Variants in DEPDC5 observed in about 807,000 individuals in gnomAD.
DEPDC5 encodes the protein DEP domain containing 5, GATOR1 subcomplex subunit, also known as GATOR1 complex protein DEPDC5.
A neutral mutation model predicts 217.3 loss-of-function variants in DEPDC5; 73 were observed. That is an observed-to-expected ratio of 0.34 (90% CI 0.28 to 0.41). DEPDC5 has a LOEUF of 0.41. Among genes scored for constraint, DEPDC5 ranks in the 10% least tolerant of loss-of-function variants. The pLI, the probability that DEPDC5 is intolerant of heterozygous loss-of-function variation, is 1.00. For missense variants in DEPDC5, 1,675 were observed against 2,070.1 expected (o/e 0.81, Z 3.70); for synonymous variants, 733 against 756.7 (o/e 0.97, Z 0.51).
intron 31 of DEPDC5, among the ~76,000 whole-genome samples, chr22:31,854,827 C>T (rs2092206120): frequency 6.6e-6 from 1 of 152,064 alleles, no homozygotes; most frequent in Admixed American, 6.6e-5. Context: ...TGTAAGTTTA[C>T]AGGGCTAAAG....
Position 31,906,728 on chromosome 22 carries a change from C to T in DEPDC5, c.*231C>T. 1 of 607,788 alleles carries T rather than the reference C, an allele frequency of 1.6e-6. No individual in the cohort carries two copies. The highest frequency in any genetic ancestry group is 2.9e-6 in the Non-Finnish European group (1 of 349,054). 37.6% of individuals were successfully genotyped at this position (607,788 alleles called of 1,614,324 possible). ...AGCAGCTGCTGCTGCTGCCACCACT[C>T]CTGTCAGCAAGTGCTCAGAGCAGGT... is the stretch of plus-strand genomic sequence containing the variant. On this transcript the variant is annotated 3_prime_UTR_variant, in exon 43 of 43. Transcript: ENST00000651528. The surrounding 1 kb of genome is among the most constrained non-coding windows in gnomAD (Gnocchi z 5.1).
intron 6 of DEPDC5, among the ~76,000 whole-genome samples, chr22:31,768,112 C>T (rs552782086): frequency 3.3e-5 from 5 of 149,768 alleles, no homozygotes; most frequent in South Asian, 4.2e-4. Flanking sequence ...TTTTTATTTC[C>T]GTGTTACTGG....
chr22:31,791,800 G>A lies in DEPDC5; in HGVS notation c.625-233G>A, dbSNP rs547053071. Among the ~76,000 whole-genome samples, 7 of 148,646 alleles carry A rather than the reference G, an allele frequency of 4.7e-5. No individual in the cohort carries two copies. The East Asian group carries it at 6.0e-4, about 13-fold the overall frequency. ...AAATTAGCTGGGCATGGTGGCGTGC[G>A]TCTGTAGTCCCAGCTACTTGGGAGG... On this transcript the variant is annotated intron_variant, in intron 10 of 42. Transcript: ENST00000651528.
chr22:31,815,838 A>G, intron 21 of DEPDC5: 2 of 1,160,410 alleles, frequency 1.7e-6, no homozygotes, highest in Non-Finnish European at 2.1e-6. Context: ...CCCTGCCTCT[A>G]TTATACTATT....
At chr22:31,901,651 C>A in intron 40 of DEPDC5, 91 bp from the exon 41 acceptor site, 2 of 1,149,256 alleles carry the variant, frequency 1.7e-6, no homozygotes, top group South Asian at 1.3e-5. Flanking sequence ...GGACTGATTG[C>A]CAAGAGTAGT....
rs1217755324 is a variant in DEPDC5 at position 31,907,405 on chromosome 22, T to G, written c.*908T>G. 2 of 152,302 alleles carry G rather than the reference T, an allele frequency of 1.3e-5. No individual in the cohort carries two copies. The highest frequency in any genetic ancestry group is 2.1e-4 in the South Asian group (1 of 4,828). 9.4% of individuals were successfully genotyped at this position (152,302 alleles called of 1,614,324 possible). ...TTGTTGTTTTTTTTGTTGTTTTTTT[T>G]GACACAGTTTTCACTCTTGTTGCCC... On this transcript the variant is annotated 3_prime_UTR_variant, in exon 43 of 43. Transcript: ENST00000651528.
At chr22:31,852,317 T>TTTTA (rs1330246578) in intron 31 of DEPDC5, among the ~76,000 whole-genome samples, 1 of 151,732 alleles carries the variant, frequency 6.6e-6, no homozygotes, top group African/African-American at 2.4e-5. Context: ...TATGTTTTCC[T>TTTTA]TTTATTTATT....
intron 38 of DEPDC5, among the ~76,000 whole-genome samples, chr22:31,885,240 C>T (rs1335186810): frequency 6.6e-6 from 1 of 152,224 alleles, no homozygotes; most frequent in Non-Finnish European, 1.5e-5. Context: ...ATGTGGTCCC[C>T]TCATTCTCTG....
intron 34 of DEPDC5, among the ~76,000 whole-genome samples, chr22:31,872,599 G>C (rs967510756): frequency 6.6e-6 from 1 of 152,138 alleles, no homozygotes; most frequent in African/African-American, 2.4e-5. Flanking sequence ...AAAGGCTCTT[G>C]GGGCAAACCC....
chr22:31,766,436 A>G (rs563703514), intron 5 of DEPDC5, 149 bp from the exon 6 acceptor site: 1 of 714,280 alleles, frequency 1.4e-6, no homozygotes, highest in South Asian at 1.6e-5. Context: ...GCAGGATATA[A>G]TTCTGTTCAT....
chr22:31,895,059 G>T (rs556318674), intron 39 of DEPDC5, among the ~76,000 whole-genome samples: 7 of 149,606 alleles, frequency 4.7e-5, no homozygotes, highest in Non-Finnish European at 3.0e-5. Flanking sequence ...CAGGAGAATC[G>T]CTTGAACCTG....
intron 20 of DEPDC5, among the ~76,000 whole-genome samples, chr22:31,811,118 G>T (rs1208170481): frequency 1.3e-5 from 2 of 148,462 alleles, no homozygotes; most frequent in Non-Finnish European, 3.0e-5. Context: ...CACCCAGGCT[G>T]GAGTGCAATG....
chr22:31,794,546 T>G (rs1193961553), intron 12 of DEPDC5, among the ~76,000 whole-genome samples: 2 of 152,140 alleles, frequency 1.3e-5, no homozygotes, highest in Non-Finnish European at 2.9e-5. Flanking sequence ...GAGAAACTGG[T>G]TATCTTTTTC....
intron 41 of DEPDC5, among the ~76,000 whole-genome samples, chr22:31,902,818 A>G (rs1311055852): frequency 6.6e-6 from 1 of 152,066 alleles, no homozygotes; most frequent in African/African-American, 2.4e-5. Flanking sequence ...GAGCCCGGTG[A>G]TGCACCTAGT....
chr22:31,798,590 C>T lies in DEPDC5; in HGVS notation c.880C>T (p.Pro294Ser), dbSNP rs2086522074. 2 of 1,610,382 alleles carry T rather than the reference C, an allele frequency of 1.2e-6. No homozygotes were observed. Among genetic ancestry groups the T allele is most frequent in the East Asian group, 2.2e-5 (1 of 44,738 alleles). Reference sequence around the variant, plus strand: ...TGCATATTTTGCTTCAGAGGGCTTTCCTCAAGGAGATAATTCTACCTCAGC... The same window carrying T: ...TGCATATTTTGCTTCAGAGGGCTTTTCTCAAGGAGATAATTCTACCTCAGC... ...LVRLEQAEGF[P>S]QGDNSTSAQG... The change falls in exon 14 of 43, where the codon CCT (proline) becomes TCT (serine). Residue 294 changes from proline (P) to serine (S), a missense_variant. By Grantham distance (74) the Pro-to-Ser change is moderately conservative. Coordinates refer to ENST00000651528, the MANE Select transcript of DEPDC5 (RefSeq NM_001242896.3).
At chr22:31,854,879 A>G (rs1423927669) in intron 31 of DEPDC5, among the ~76,000 whole-genome samples, 1 of 152,164 alleles carries the variant, frequency 6.6e-6, no homozygotes, top group Non-Finnish European at 1.5e-5. Context: ...ATAAGGAGAG[A>G]TGAAGAGGAG....
chr22:31,837,261 AT>A, intron 26 of DEPDC5, 106 bp downstream of exon 26: 2 of 1,241,296 alleles, frequency 1.6e-6, no homozygotes, highest in Non-Finnish European at 2.2e-6. Context: ...CAACACATAT[AT>A]TAAAATTGGA....
At chr22:31,758,249 G>T (rs1051561573) in intron 2 of DEPDC5, among the ~76,000 whole-genome samples, 2 of 152,142 alleles carry the variant, frequency 1.3e-5, no homozygotes, top group African/African-American at 4.8e-5. Context: ...GTAAAAGGCT[G>T]TCCAGAAGCC....
intron 40 of DEPDC5, 47 bp downstream of exon 40, chr22:31,897,700 G>C (rs139987190): frequency 2.1e-5 from 34 of 1,597,784 alleles, no homozygotes; most frequent in Middle Eastern, 1.9e-4. Context: ...GTAAGACCCC[G>C]TCCCTAACAA....
Sources: allele counts gnomAD v4.1 joint callset (sites outside exome capture counted in the v4.1 genomes callset), GRCh38; gene constraint gnomAD v4.1.1; non-coding constraint Gnocchi (gnomAD v3.1); transcripts MANE v1.5; gene names NCBI Gene and HGNC (gene_info 2026-07-23, HGNC 2026-07-21).